EFCAB6: variants seen among roughly 807,000 people sequenced by gnomAD.
EFCAB6 encodes the protein EF-hand calcium-binding domain-containing protein 6.
Under a neutral mutation model 169.8 loss-of-function variants are expected in EFCAB6, and 156 were observed. The observed-to-expected ratio is 0.92, with a 90% CI of 0.81 to 1.05. EFCAB6 has a LOEUF of 1.05. Ranked by LOEUF, EFCAB6 falls within the 50% of genes least tolerant of loss-of-function variation. The pLI, the probability that EFCAB6 is intolerant of heterozygous loss-of-function variation, is 0.00. For missense variants in EFCAB6, 1,800 were observed against 1,829.1 expected (o/e 0.98, Z 0.29); for synonymous variants, 698 against 676.4 (o/e 1.03, Z -0.50).
At chr22:43,780,486 CAAAAA>C (rs34634496) in intron 3 of EFCAB6, among the ~76,000 whole-genome samples, 2 of 49,024 alleles carry the variant, frequency 4.1e-5, no homozygotes, top group African/African-American at 8.5e-5. Context: ...GACTCTGTCT[CAAAAA>C]AAAAAAAAAA....
intron 17 of EFCAB6, among the ~76,000 whole-genome samples, chr22:43,652,178 G>C (rs957631779): frequency 6.6e-6 from 1 of 152,166 alleles, no homozygotes; most frequent in African/African-American, 2.4e-5. Flanking sequence ...CCATGTGTTT[G>C]GGAGGGACCT....
At position 43,608,411 on chromosome 22, in the gene EFCAB6, G is replaced by A. The variant is rs942377730; in HGVS notation, c.2681+71C>T. The A allele has an allele frequency of 7.4e-6, 10 of 1,351,290 alleles. 1 individual carries two copies. Among genetic ancestry groups the A allele is most frequent in the Non-Finnish European group, 1.0e-5 (10 of 955,740 alleles). 83.7% of individuals were successfully genotyped at this position (1,351,290 alleles called of 1,614,324 possible). On this transcript the variant is annotated intron_variant, in intron 22 of 31. Coordinates refer to ENST00000262726, the MANE Select transcript of EFCAB6 (RefSeq NM_022785.4). ...AGTTACCCTGATGTAGGAAAGATTA[G>A]GCTGAATTTGCCACAGCAAGCACCC...
chr22:43,619,611 C>T lies in EFCAB6; in HGVS notation c.2466-3689G>A, dbSNP rs149310688. Among the ~76,000 whole-genome samples, 578 of 152,200 alleles carry T rather than the reference C, an allele frequency of 3.8e-3. 3 individuals are homozygous for T. The highest frequency in any genetic ancestry group is 0.014 in the Middle Eastern group (4 of 294). ...AACCAAAATACAGTAACTGAAATGA[C>T]GTTTACTGGATTGGGTCAATGGCAA... On this transcript the variant is annotated intron_variant, in intron 20 of 31. Coordinates refer to ENST00000262726, the MANE Select transcript of EFCAB6 (RefSeq NM_022785.4).
chr22:43,718,419 CA>C (rs1569435935), intron 8 of EFCAB6, among the ~76,000 whole-genome samples: 1 of 151,538 alleles, frequency 6.6e-6, no homozygotes, highest in Non-Finnish European at 1.5e-5. Flanking sequence ...TTCCTAGCTC[CA>C]AAAAAGAGAA....
chr22:43,615,792 T>C, intron 21 of EFCAB6, 34 bp downstream of exon 21: 3 of 1,568,786 alleles, frequency 1.9e-6, no homozygotes, highest in Non-Finnish European at 2.6e-6. Flanking sequence ...GAAATAGATT[T>C]TCTTTCCTTT....
intron 21 of EFCAB6, among the ~76,000 whole-genome samples, chr22:43,610,835 C>T (rs1282053542): frequency 6.6e-6 from 1 of 152,118 alleles, no homozygotes; most frequent in Non-Finnish European, 1.5e-5. Context: ...TTACCACTGT[C>T]CCAACAACAA....
chr22:43,653,353 G>A (rs575080202), intron 17 of EFCAB6, among the ~76,000 whole-genome samples: 2 of 152,304 alleles, frequency 1.3e-5, no homozygotes, highest in South Asian at 4.1e-4. Flanking sequence ...TACCCAATAA[G>A]ATACATGGTT....
At chr22:43,787,536 TAGAA>T (rs1480310436) in intron 2 of EFCAB6, among the ~76,000 whole-genome samples, 1 of 152,108 alleles carries the variant, frequency 6.6e-6, no homozygotes, top group Non-Finnish European at 1.5e-5. Flanking sequence ...ATAAAATACT[TAGAA>T]ATAAATTAAA....
intron 18 of EFCAB6, 57 bp from the exon 19 acceptor site, chr22:43,632,295 T>TTTG (rs2055022648): frequency 1.3e-5 from 3 of 236,956 alleles, no homozygotes; most frequent in Admixed American, 7.8e-5. Flanking sequence ...TCATTCCTTC[T>TTTG]TTTTTTTTTT....
At chr22:43,801,242 T>G (rs2062701862) in intron 2 of EFCAB6, among the ~76,000 whole-genome samples, 1 of 152,154 alleles carries the variant, frequency 6.6e-6, no homozygotes, top group East Asian at 1.9e-4. Context: ...AAAGTTATCC[T>G]TCAAATATGA....
At chr22:43,571,063 G>A (rs970485050) in intron 26 of EFCAB6, among the ~76,000 whole-genome samples, 1 of 152,232 alleles carries the variant, frequency 6.6e-6, no homozygotes, top group Non-Finnish European at 1.5e-5. Context: ...GCAGGGGCAG[G>A]AAGCCCGCGG....
chr22:43,690,082 AC>A (rs2058350003), intron 10 of EFCAB6, among the ~76,000 whole-genome samples: 1 of 152,178 alleles, frequency 6.6e-6, no homozygotes, highest in Admixed American at 6.5e-5. Context: ...CCACCCATTC[AC>A]ACATCCACAT....
chr22:43,620,006 C>A (rs1047411476), intron 20 of EFCAB6, among the ~76,000 whole-genome samples: 4 of 152,036 alleles, frequency 2.6e-5, no homozygotes, highest in African/African-American at 7.2e-5. Flanking sequence ...AACTAAAGAT[C>A]AAAAAAATCA....
chr22:43,724,257 A>G (rs2059640051), intron 8 of EFCAB6, among the ~76,000 whole-genome samples: 1 of 152,118 alleles, frequency 6.6e-6, no homozygotes, highest in African/African-American at 2.4e-5. Context: ...CAAGTTTGCA[A>G]CTGTATAAAA....
intron 8 of EFCAB6, among the ~76,000 whole-genome samples, chr22:43,719,947 T>C (rs188515119): frequency 3.3e-5 from 5 of 152,318 alleles, no homozygotes; most frequent in Admixed American, 3.3e-4. Flanking sequence ...ATGTCAGGTA[T>C]AAAACGTTGT....
intron 15 of EFCAB6, 25 bp downstream of exon 15, chr22:43,671,948 A>G: frequency 1.9e-6 from 3 of 1,609,828 alleles, no homozygotes; most frequent in Non-Finnish European, 1.7e-6. Context: ...CACGACATGA[A>G]TTAATTTTGT....
chr22:43,542,256 T>C (rs1161147186), intron 27 of EFCAB6, among the ~76,000 whole-genome samples: 5 of 152,144 alleles, frequency 3.3e-5, no homozygotes. Flanking sequence ...TCTAACAGGG[T>C]GGCTGGGGCT....
intron 2 of EFCAB6, among the ~76,000 whole-genome samples, chr22:43,783,245 G>A (rs958642408): frequency 5.9e-5 from 9 of 152,254 alleles, no homozygotes; most frequent in East Asian, 1.9e-4. Flanking sequence ...GGTGGATAAC[G>A]GGGCAAATAA....
chr22:43,691,656 GATT>G (rs1400662898), intron 10 of EFCAB6, among the ~76,000 whole-genome samples: 2 of 151,988 alleles, frequency 1.3e-5, no homozygotes, highest in Non-Finnish European at 2.9e-5. Context: ...CCAAACAACA[GATT>G]AATAAAATTA....
Sources: allele counts gnomAD v4.1 joint callset (sites outside exome capture counted in the v4.1 genomes callset), GRCh38; gene constraint gnomAD v4.1.1; transcripts MANE v1.5; gene names NCBI Gene and HGNC (gene_info 2026-07-23, HGNC 2026-07-21).